MTSS1: variants seen among roughly 807,000 people sequenced by gnomAD.
The protein encoded by MTSS1 is MTSS I-BAR domain containing 1.
A neutral mutation model predicts 79.0 loss-of-function variants in MTSS1; 18 were observed. That is an observed-to-expected ratio of 0.23 (90% CI 0.16 to 0.34). The LOEUF is 0.34. Among genes scored for constraint, MTSS1 ranks in the 10% least tolerant of loss-of-function variants. The pLI is 1.00. For synonymous variants in MTSS1, 341 were observed against 368.6 expected, an observed-to-expected ratio of 0.93 and a Z score of 0.86; for missense variants, 815 against 986.2, an observed-to-expected ratio of 0.83 and a Z score of 2.33.
At chr8:124,574,131 G>A (rs547465498) in intron 6 of MTSS1, among the ~76,000 whole-genome samples, 3 of 152,196 alleles carry the variant, frequency 2.0e-5, no homozygotes, top group Admixed American at 6.5e-5. Context: ...TTTTTGTAGA[G>A]ACAGGGTTTT....
chr8:124,572,743 C>CTTTTTT (rs747243821), intron 6 of MTSS1, among the ~76,000 whole-genome samples: 10,184 of 123,102 alleles, frequency 0.083, 654 homozygotes, highest in South Asian at 0.21. Context: ...CTTTTCTTTT[C>CTTTTTT]TTTTTTTTTT....
intron 3 of MTSS1, among the ~76,000 whole-genome samples, chr8:124,637,793 G>A (rs1252756477): frequency 2.6e-5 from 4 of 152,184 alleles, no homozygotes; most frequent in Non-Finnish European, 5.9e-5. Context: ...GTTTTTTGTG[G>A]TTATATTTTG....
chr8:124,564,935 A>T (rs1826083485), intron 9 of MTSS1: 2 of 152,362 alleles, frequency 1.3e-5, no homozygotes, highest in Admixed American at 6.5e-5. Context: ...GTGGAAACTC[A>T]TTTGGCTTTG....
At chr8:124,612,363 C>T (rs1052996994) in intron 3 of MTSS1, among the ~76,000 whole-genome samples, 11 of 152,180 alleles carry the variant, frequency 7.2e-5, no homozygotes, top group Non-Finnish European at 1.3e-4. Flanking sequence ...CCACAGGAAA[C>T]GGCATAGGCA....
intron 3 of MTSS1, among the ~76,000 whole-genome samples, chr8:124,674,632 C>T (rs985789564): frequency 1.3e-5 from 2 of 152,190 alleles, no homozygotes; most frequent in Admixed American, 6.5e-5. Flanking sequence ...GCAGAAGCCA[C>T]CACGCCCGGC....
intron 3 of MTSS1, among the ~76,000 whole-genome samples, chr8:124,668,196 C>T (rs893490597): frequency 1.4e-4 from 22 of 152,236 alleles, no homozygotes; most frequent in African/African-American, 4.6e-4. Context: ...AGCGGCCACA[C>T]GTGTGGGCTG....
intron 3 of MTSS1, among the ~76,000 whole-genome samples, chr8:124,638,499 T>C (rs1189740653): frequency 6.6e-6 from 1 of 152,168 alleles, no homozygotes; most frequent in African/African-American, 2.4e-5. Flanking sequence ...CACACAGACA[T>C]TCCATTTCCA....
At chr8:124,628,424 T>C (rs1397632939) in intron 3 of MTSS1, among the ~76,000 whole-genome samples, 2 of 152,090 alleles carry the variant, frequency 1.3e-5, no homozygotes, top group Non-Finnish European at 2.9e-5. Flanking sequence ...GGCAGCAGGA[T>C]GCTTGCCCAG....
chr8:124,553,409 A>C lies in MTSS1; in HGVS notation c.1851T>G (p.Pro617=), dbSNP rs775279797. 2 of 1,607,500 alleles carry C rather than the reference A, an allele frequency of 1.2e-6. No individual in the cohort carries two copies. The highest frequency in any genetic ancestry group is 1.7e-6 in the Non-Finnish European group (2 of 1,175,438). ...GGTCTGGGACGGTTGGGGTCTTGACAGGGATCACGGGTGTCTTGATGGGGA... is the reference window on the plus strand; with the variant it reads ...GGTCTGGGACGGTTGGGGTCTTGACCGGGATCACGGGTGTCTTGATGGGGA... ...GPIPIKTPVI[P]VKTPTVPDLP... is the part of the protein sequence containing the mutation. Residue 617 remains proline (P), a synonymous_variant, in exon 14 of 14, where the codon CCT becomes CCG. Transcript: ENST00000518547. The surrounding 1 kb of genome is among the most constrained non-coding windows in gnomAD (Gnocchi z 6.0).
At chr8:124,567,238 G>T in intron 7 of MTSS1, 60 bp from the exon 8 acceptor site, 1 of 1,368,904 alleles carries the variant, frequency 7.3e-7, no homozygotes, top group Non-Finnish European at 1.0e-6. Context: ...CATCGCTCTA[G>T]TCCAATTGTT....
chr8:124,649,929 C>T (rs777249305), intron 3 of MTSS1, among the ~76,000 whole-genome samples: 2 of 151,620 alleles, frequency 1.3e-5, no homozygotes, highest in Non-Finnish European at 2.9e-5. Context: ...GGTCTGTCTC[C>T]GAACATTGTA....
Position 124,695,703 on chromosome 8 carries a change from G to A in MTSS1, c.208+3823C>T, listed in dbSNP as rs529490638. Among the ~76,000 whole-genome samples the A allele has an allele frequency of 5.3e-5, 8 of 152,194 alleles. No homozygotes were observed. In the South Asian group the frequency reaches 1.2e-3, roughly 24 times the overall value. On this transcript the variant is annotated intron_variant, in intron 3 of 13. Transcript: ENST00000518547. ...CTACATTCAGAAATTCCATTTGGCC[G>A]CTAGAAAGAATAAGGTGGACTTATA...
intron 5 of MTSS1, among the ~76,000 whole-genome samples, chr8:124,587,738 C>CAA (rs1169913385): frequency 6.6e-6 from 1 of 152,192 alleles, no homozygotes; most frequent in East Asian, 1.9e-4. Context: ...CTCCTGACCT[C>CAA]AAGTGATCCA....
chr8:124,626,437 G>A (rs1298963841), intron 3 of MTSS1, among the ~76,000 whole-genome samples: 1 of 152,130 alleles, frequency 6.6e-6, no homozygotes, highest in East Asian at 1.9e-4. Flanking sequence ...AGGAGTTCAA[G>A]ACCAGCCTGG....
intron 3 of MTSS1, among the ~76,000 whole-genome samples, chr8:124,616,747 C>A (rs796651265): frequency 6.6e-6 from 1 of 152,180 alleles, no homozygotes; most frequent in Non-Finnish European, 1.5e-5. Context: ...CAGAACTAAG[C>A]CCTTCTCAAT....
At chr8:124,559,619 C>T (rs997154055) in intron 10 of MTSS1, among the ~76,000 whole-genome samples, 2 of 152,174 alleles carry the variant, frequency 1.3e-5, no homozygotes, top group Non-Finnish European at 2.9e-5. Flanking sequence ...GGCATGCGCT[C>T]CCAGTCTGGC....
At chr8:124,723,462 G>A (rs1328495375) in intron 1 of MTSS1, among the ~76,000 whole-genome samples, 1 of 152,024 alleles carries the variant, frequency 6.6e-6, no homozygotes, top group African/African-American at 2.4e-5. Flanking sequence ...CATCAAGCTA[G>A]AAGTTCCAAA....
chr8:124,709,681 G>T (rs1286245453), intron 1 of MTSS1, among the ~76,000 whole-genome samples: 1 of 152,190 alleles, frequency 6.6e-6, no homozygotes, highest in Admixed American at 6.5e-5. Flanking sequence ...GGAAGAGAAA[G>T]CCAGTTTGTT....
At chr8:124,677,149 C>T (rs1825435171) in intron 3 of MTSS1, among the ~76,000 whole-genome samples, 1 of 152,150 alleles carries the variant, frequency 6.6e-6, no homozygotes, top group South Asian at 2.1e-4. Context: ...CCAATCAAGA[C>T]CCTCAGTTCA....
Sources: allele counts gnomAD v4.1 joint callset (sites outside exome capture counted in the v4.1 genomes callset), GRCh38; gene constraint gnomAD v4.1.1; non-coding constraint Gnocchi (gnomAD v3.1); transcripts MANE v1.5; gene names NCBI Gene and HGNC (gene_info 2026-07-23, HGNC 2026-07-21).